Variants in CNTN5 observed in about 807,000 individuals in gnomAD.
CNTN5 encodes contactin 5.
A neutral mutation model predicts 129.1 loss-of-function variants in CNTN5; 77 were observed. The observed-to-expected ratio is 0.60, with a 90% CI of 0.50 to 0.72. CNTN5 has a LOEUF of 0.72. Ranked by LOEUF, CNTN5 falls within the 30% of genes least tolerant of loss-of-function variation. The pLI, the probability that CNTN5 is intolerant of heterozygous loss-of-function variation, is 0.00. For missense variants in CNTN5, 1,478 were observed against 1,328.8 expected (o/e 1.11, Z -1.75); for synonymous variants, 509 against 465.6 (o/e 1.09, Z -1.20).
intron 7 of CNTN5, among the ~76,000 whole-genome samples, chr11:99,929,356 C>T (rs757527312): frequency 3.9e-5 from 6 of 152,156 alleles, no homozygotes; most frequent in African/African-American, 9.7e-5. Context: ...CTGCCTGTTA[C>T]CCAGTTGCAA....
chr11:99,254,655 T>G (rs953467440), intron 1 of CNTN5, among the ~76,000 whole-genome samples: 2 of 151,944 alleles, frequency 1.3e-5, no homozygotes, highest in Non-Finnish European at 2.9e-5. Context: ...AATTTTAGTT[T>G]CATGATAACA....
intron 2 of CNTN5, among the ~76,000 whole-genome samples, chr11:99,398,157 G>A (rs1941622294): frequency 6.6e-6 from 1 of 151,768 alleles, no homozygotes; most frequent in South Asian, 2.1e-4. Context: ...AGAATTGTTA[G>A]CCCACACCCA....
At chr11:99,227,450 T>C (rs1463529743) in intron 1 of CNTN5, among the ~76,000 whole-genome samples, 1 of 152,090 alleles carries the variant, frequency 6.6e-6, no homozygotes, top group Non-Finnish European at 1.5e-5. Flanking sequence ...GAAATTATGT[T>C]AGAAACAAAG....
chr11:99,907,084 T>C (rs535314608), intron 6 of CNTN5, among the ~76,000 whole-genome samples: 1 of 152,206 alleles, frequency 6.6e-6, no homozygotes, highest in African/African-American at 2.4e-5. Flanking sequence ...CCTAGATTCA[T>C]TGAGGTTTTT....
At chr11:100,020,197 A>G (rs1449876755) in intron 9 of CNTN5, among the ~76,000 whole-genome samples, 1 of 152,002 alleles carries the variant, frequency 6.6e-6, no homozygotes, top group African/African-American at 2.4e-5. Context: ...GTCATATTCA[A>G]AAATCTTTAC....
chr11:99,299,060 G>A (rs1416011475), intron 1 of CNTN5, among the ~76,000 whole-genome samples: 1 of 152,060 alleles, frequency 6.6e-6, no homozygotes. Context: ...TTGTTGATCT[G>A]CTTTTCGTGT....
intron 8 of CNTN5, among the ~76,000 whole-genome samples, chr11:99,964,369 A>C (rs9736596): frequency 6.6e-6 from 1 of 152,068 alleles, no homozygotes; most frequent in African/African-American, 2.4e-5. Context: ...TAGCATGAAG[A>C]TTGTTGAATT....
chr11:99,141,390 T>A (rs1295379833), intron 1 of CNTN5, among the ~76,000 whole-genome samples: 5 of 152,148 alleles, frequency 3.3e-5, no homozygotes, highest in Non-Finnish European at 7.4e-5. Flanking sequence ...TCTCATTTTG[T>A]TTATTTGGAT....
intron 9 of CNTN5, among the ~76,000 whole-genome samples, chr11:100,035,970 A>G (rs147682344): frequency 6.6e-6 from 1 of 152,166 alleles, no homozygotes; most frequent in African/African-American, 2.4e-5. Context: ...TCTTTAGTTT[A>G]ATTAGATCCC....
intron 8 of CNTN5, among the ~76,000 whole-genome samples, chr11:99,984,252 G>A (rs1297164029): frequency 1.3e-5 from 2 of 151,806 alleles, no homozygotes; most frequent in Admixed American, 6.6e-5. Flanking sequence ...ACTCCCACCT[G>A]GGTGTCAGCT....
chr11:99,118,004 C>T (rs920468293), intron 1 of CNTN5, among the ~76,000 whole-genome samples: 2 of 152,094 alleles, frequency 1.3e-5, no homozygotes, highest in Admixed American at 1.3e-4. Flanking sequence ...GAGTAATTTC[C>T]AATGAGGTAC....
At chr11:99,933,062 C>A (rs1950227978) in intron 7 of CNTN5, among the ~76,000 whole-genome samples, 1 of 152,062 alleles carries the variant, frequency 6.6e-6, no homozygotes, top group Non-Finnish European at 1.5e-5. Context: ...TGTTCTAAAG[C>A]AAATAATGAG....
At chr11:99,820,245 C>A (rs1291007717) in intron 4 of CNTN5, among the ~76,000 whole-genome samples, 7 of 152,394 alleles carry the variant, frequency 4.6e-5, no homozygotes, top group African/African-American at 1.7e-4. Context: ...ACTAAATACT[C>A]TCGTAGAATG....
intron 2 of CNTN5, among the ~76,000 whole-genome samples, chr11:99,342,063 A>C (rs2136057688): frequency 6.6e-6 from 1 of 152,334 alleles, no homozygotes; most frequent in East Asian, 1.9e-4. Flanking sequence ...CATATCTAGT[A>C]ATAAATCAGT....
chr11:99,378,312 C>T (rs1212332036), intron 2 of CNTN5, among the ~76,000 whole-genome samples: 1 of 152,026 alleles, frequency 6.6e-6, no homozygotes, highest in East Asian at 1.9e-4. Flanking sequence ...CATTCATTTG[C>T]TAGTCATCCT....
At chr11:100,087,312 A>T (rs917007605) in intron 13 of CNTN5, among the ~76,000 whole-genome samples, 1 of 151,898 alleles carries the variant, frequency 6.6e-6, no homozygotes, top group Non-Finnish European at 1.5e-5. Context: ...AAATAATTTC[A>T]TAACTATTAA....
intron 13 of CNTN5, among the ~76,000 whole-genome samples, chr11:100,075,749 G>A (rs191428412): frequency 7.0e-4 from 107 of 152,202 alleles, no homozygotes; most frequent in Admixed American, 2.8e-3. Context: ...AGGTTTTATA[G>A]TTTGCTTTGA....
At chr11:99,752,985 A>G (rs1461800269) in intron 3 of CNTN5, among the ~76,000 whole-genome samples, 2 of 152,084 alleles carry the variant, frequency 1.3e-5, no homozygotes, top group Non-Finnish European at 2.9e-5. Context: ...TTGCTTTTTG[A>G]CTATAACCTA....
chr11:99,653,918 T>C (rs1952250996), intron 3 of CNTN5, among the ~76,000 whole-genome samples: 1 of 151,986 alleles, frequency 6.6e-6, no homozygotes. Flanking sequence ...AAATGATATA[T>C]CCCTCTTTGT....
Sources: allele counts gnomAD v4.1 joint callset (sites outside exome capture counted in the v4.1 genomes callset), GRCh38; gene constraint gnomAD v4.1.1; transcripts MANE v1.5; gene names NCBI Gene and HGNC (gene_info 2026-07-23, HGNC 2026-07-21).